Variants in GRM8 observed in about 807,000 individuals in gnomAD.
GRM8 encodes the protein metabotropic glutamate receptor 8.
A neutral mutation model predicts 87.2 loss-of-function variants in GRM8; 47 were observed. The observed-to-expected ratio is 0.54, with a 90% CI of 0.43 to 0.69. The LOEUF is 0.69. Among genes scored for constraint, GRM8 ranks in the 30% least tolerant of loss-of-function variants. The probability of loss-of-function intolerance (pLI) is 0.00; values close to 1 mark genes in which losing one functional copy is unlikely to be tolerated. For synonymous variants in GRM8, 396 were observed against 404.5 expected, an observed-to-expected ratio of 0.98 and a Z score of 0.25; for missense variants, 1,019 against 1,139.2, an observed-to-expected ratio of 0.89 and a Z score of 1.52.
At chr7:127,160,026 G>A (rs1793000237) in intron 2 of GRM8, among the ~76,000 whole-genome samples, 1 of 152,174 alleles carries the variant, frequency 6.6e-6, no homozygotes, top group Non-Finnish European at 1.5e-5. Flanking sequence ...ATGTTTAATA[G>A]AGAGGTTTTA....
chr7:126,839,097 A>C (rs993953378), intron 6 of GRM8, among the ~76,000 whole-genome samples: 2 of 152,132 alleles, frequency 1.3e-5, no homozygotes, highest in African/African-American at 4.8e-5. Flanking sequence ...CACTACCACC[A>C]TACACTGCAT....
intron 2 of GRM8, among the ~76,000 whole-genome samples, chr7:127,236,952 C>A (rs551592949): frequency 1.3e-5 from 2 of 152,130 alleles, no homozygotes; most frequent in African/African-American, 4.8e-5. Flanking sequence ...CAACTACAAC[C>A]CAGTGAGAGA....
At chr7:126,827,922 G>C (rs1181111695) in intron 6 of GRM8, among the ~76,000 whole-genome samples, 1 of 152,158 alleles carries the variant, frequency 6.6e-6, no homozygotes, top group Non-Finnish European at 1.5e-5. Context: ...TTAGCATGAA[G>C]GGTTGTTGAA....
intron 3 of GRM8, among the ~76,000 whole-genome samples, chr7:126,928,206 T>A (rs1805347523): frequency 9.9e-6 from 1 of 101,444 alleles, no homozygotes. Context: ...CATCACACAC[T>A]GCAGCATGTT....
intron 6 of GRM8, among the ~76,000 whole-genome samples, chr7:126,771,603 C>A (rs2151611791): frequency 6.6e-6 from 1 of 152,082 alleles, no homozygotes; most frequent in South Asian, 2.1e-4. Context: ...AACATTAGAT[C>A]AATTTATAAT....
intron 2 of GRM8, among the ~76,000 whole-genome samples, chr7:127,159,668 T>C (rs1792972595): frequency 6.6e-6 from 1 of 152,208 alleles, no homozygotes; most frequent in Non-Finnish European, 1.5e-5. Flanking sequence ...TAGTAAATCA[T>C]ATTTACAGTC....
intron 6 of GRM8, among the ~76,000 whole-genome samples, chr7:126,877,411 T>TA (rs1307095381): frequency 2.6e-5 from 4 of 152,228 alleles, no homozygotes; most frequent in South Asian, 2.1e-4. Context: ...TTAAATAGAA[T>TA]AAAAAATTCA....
intron 2 of GRM8, among the ~76,000 whole-genome samples, chr7:127,223,572 T>A (rs1257286641): frequency 6.6e-6 from 1 of 151,680 alleles, no homozygotes; most frequent in South Asian, 2.1e-4. Flanking sequence ...ACCAGGATAG[T>A]TTCTGAGAGG....
intron 8 of GRM8, among the ~76,000 whole-genome samples, chr7:126,604,427 G>A (rs1798151147): frequency 6.6e-6 from 1 of 152,086 alleles, no homozygotes; most frequent in Non-Finnish European, 1.5e-5. Flanking sequence ...GCTTCAGTTT[G>A]ATTTCATACT....
intron 9 of GRM8, among the ~76,000 whole-genome samples, chr7:126,521,505 C>A (rs1812979509): frequency 6.6e-6 from 1 of 151,816 alleles, no homozygotes; most frequent in Non-Finnish European, 1.5e-5. Flanking sequence ...CAAAACACTG[C>A]CAAAATACAG....
In GRM8 at chr7:126,532,764, G is replaced by GATAT. The variant is rs521; in HGVS notation, c.2430+184_2430+187dup. Among the ~76,000 whole-genome samples the GATAT allele has an allele frequency of 7.5e-3, 826 of 110,536 alleles. 16 individuals are homozygous for GATAT. The highest frequency in any genetic ancestry group is 0.01 in the Non-Finnish European group (563 of 54,014). 72.5% of individuals were successfully genotyped at this position (110,536 alleles called of 152,430 possible). ...AAGCAATGTGACCTTGACGGATGGA[G>GATAT]ATATATATATATATATATATATATA... On this transcript the variant is annotated intron_variant, in intron 9 of 10. Coordinates refer to ENST00000339582, the MANE Select transcript of GRM8 (RefSeq NM_000845.3).
chr7:127,020,993 C>T (rs1816207936), intron 3 of GRM8, among the ~76,000 whole-genome samples: 2 of 151,930 alleles, frequency 1.3e-5, no homozygotes, highest in South Asian at 2.1e-4. Context: ...AAGAGATAAG[C>T]GATTGTGTGA....
At chr7:126,688,721 TTC>T (rs1200532336) in intron 7 of GRM8, among the ~76,000 whole-genome samples, 28 of 140,302 alleles carry the variant, frequency 2.0e-4, no homozygotes, top group Admixed American at 1.9e-3. Flanking sequence ...TTTCCCTATT[TTC>T]TCTCTCTCTC....
At chr7:126,620,730 T>C (rs1006560137) in intron 7 of GRM8, among the ~76,000 whole-genome samples, 2 of 152,154 alleles carry the variant, frequency 1.3e-5, no homozygotes, top group African/African-American at 4.8e-5. Flanking sequence ...TGGTACACAA[T>C]AGATGTGCAA....
chr7:127,179,199 G>C (rs1196053512), intron 2 of GRM8, among the ~76,000 whole-genome samples: 1 of 152,148 alleles, frequency 6.6e-6, no homozygotes, highest in Non-Finnish European at 1.5e-5. Flanking sequence ...GAGCAGGATA[G>C]CTACTCTTAT....
chr7:127,242,363 C>T (rs1466937912), intron 2 of GRM8, among the ~76,000 whole-genome samples: 1 of 152,080 alleles, frequency 6.6e-6, no homozygotes, highest in Non-Finnish European at 1.5e-5. Flanking sequence ...GTTCATTATT[C>T]TCTTCAAAAA....
chr7:127,123,818 C>T (rs1827212606), intron 2 of GRM8, among the ~76,000 whole-genome samples: 1 of 152,010 alleles, frequency 6.6e-6, no homozygotes, highest in Admixed American at 6.6e-5. Context: ...AAATAGAAGC[C>T]ATCAGTTAAA....
chr7:127,129,002 T>C (rs1220994282), intron 2 of GRM8, among the ~76,000 whole-genome samples: 1 of 152,142 alleles, frequency 6.6e-6, no homozygotes, highest in Admixed American at 6.5e-5. Context: ...GCAACTGCAT[T>C]ATCAATATTA....
chr7:127,012,523 C>A (rs1413594796), intron 3 of GRM8, among the ~76,000 whole-genome samples: 1 of 152,024 alleles, frequency 6.6e-6, no homozygotes, highest in Non-Finnish European at 1.5e-5. Flanking sequence ...GGCATTTGGG[C>A]CTTCCGCTCT....
Sources: allele counts gnomAD v4.1 joint callset (sites outside exome capture counted in the v4.1 genomes callset), GRCh38; gene constraint gnomAD v4.1.1; transcripts MANE v1.5; gene names NCBI Gene and HGNC (gene_info 2026-07-23, HGNC 2026-07-21).